TENT4B: variants seen among roughly 807,000 people sequenced by gnomAD.
The protein encoded by TENT4B is PAP associated domain containing 5.
In TENT4B, 10 loss-of-function variants were observed where a neutral mutation model predicts 75.0. The observed-to-expected ratio is 0.13, with a 90% CI of 0.08 to 0.23. TENT4B has a LOEUF of 0.23. Ranked by LOEUF, TENT4B falls within the 10% of genes least tolerant of loss-of-function variation. TENT4B has a pLI of 1.00. For synonymous variants in TENT4B, 350 were observed against 357.7 expected, an observed-to-expected ratio of 0.98 and a Z score of 0.24; for missense variants, 579 against 893.8, an observed-to-expected ratio of 0.65 and a Z score of 4.49.
chr16:50,179,194 C>T (rs926343155), intron 1 of TENT4B, among the ~76,000 whole-genome samples: 1 of 152,104 alleles, frequency 6.6e-6, no homozygotes, highest in African/African-American at 2.4e-5. Context: ...GAAACCCCGT[C>T]TCTACTAAAA....
intron 1 of TENT4B, among the ~76,000 whole-genome samples, chr16:50,155,272 G>GTGTGTGTGTGTGTGTGTGT (rs2037871396): frequency 4.4e-5 from 6 of 135,480 alleles, no homozygotes; most frequent in South Asian, 2.6e-4. Context: ...GGGTCTCGTG[G>GTGTGTGTGTGTGTGTGTGT]GTGTGTGTGT....
chr16:50,183,780 C>A lies in TENT4B; in HGVS notation c.639-27543C>A, dbSNP rs192581133. ...GCAGATTTGGCCAGGCGCGGTAGCT[C>A]ATGCCTGTAATCCCAGCACTTTGGG... On this transcript the variant is annotated intron_variant, in intron 1 of 11. Coordinates refer to ENST00000561678, the MANE Select transcript of TENT4B (RefSeq NM_001365324.3). 1.1e-4 allele frequency among the ~76,000 whole-genome samples: 17 copies of A among 152,266 alleles called. No individual in the cohort carries two copies. In the East Asian group the frequency reaches 3.3e-3, roughly 29 times the overall value.
At chr16:50,176,497 T>A in intron 1 of TENT4B, among the ~76,000 whole-genome samples, 2 of 33,562 alleles carry the variant, frequency 6.0e-5, no homozygotes, top group Non-Finnish European at 8.0e-5. Flanking sequence ...AATAATTCTT[T>A]TTTTTTTTTT....
chr16:50,221,756 T>A (rs2031837062), intron 5 of TENT4B, among the ~76,000 whole-genome samples: 1 of 152,120 alleles, frequency 6.6e-6, no homozygotes, highest in South Asian at 2.1e-4. Context: ...GTTTCTATCC[T>A]ATAGCAAGTA....
chr16:50,192,887 G>A (rs995579690), intron 1 of TENT4B, among the ~76,000 whole-genome samples: 4 of 152,268 alleles, frequency 2.6e-5, no homozygotes, highest in Middle Eastern at 3.4e-3. Context: ...CTTGAGATCA[G>A]CCTGAGCAAT....
intron 1 of TENT4B, among the ~76,000 whole-genome samples, chr16:50,180,229 G>A (rs1376217762): frequency 6.6e-6 from 1 of 151,804 alleles, no homozygotes; most frequent in East Asian, 1.9e-4. Context: ...TTAGCTTCCT[G>A]AGTAGCTGAG....
At chr16:50,222,680 C>A (rs1051121035) in intron 6 of TENT4B, among the ~76,000 whole-genome samples, 4 of 152,124 alleles carry the variant, frequency 2.6e-5, no homozygotes, top group Non-Finnish European at 4.4e-5. Flanking sequence ...CTTTTCACTG[C>A]AAATTTTAAC....
At chr16:50,172,335 A>T (rs1192450727) in intron 1 of TENT4B, among the ~76,000 whole-genome samples, 1 of 151,558 alleles carries the variant, frequency 6.6e-6, no homozygotes, top group Non-Finnish European at 1.5e-5. Context: ...ACAGAGCGAG[A>T]CTCTGTCTCC....
chr16:50,189,094 G>C (rs1596691902), intron 1 of TENT4B, among the ~76,000 whole-genome samples: 1 of 152,062 alleles, frequency 6.6e-6, no homozygotes, highest in Non-Finnish European at 1.5e-5. Context: ...TGTAACTTCA[G>C]CTTTTCTTAT....
rs192592221 is a variant in TENT4B, at chr16:50,214,060, C to G, written c.763-161C>G. Among the ~76,000 whole-genome samples, 24 of 152,234 alleles carry G rather than the reference C, an allele frequency of 1.6e-4. No homozygotes were observed. In the East Asian group the frequency reaches 4.1e-3, roughly 26 times the overall value. ...AGAATGTCTGCTTGTGAAACAGAAT[C>G]CCCGCTTCATGAAGCTTGGGGTTAG... On this transcript the variant is annotated intron_variant, in intron 2 of 11. Transcript: ENST00000561678.
At chr16:50,178,172 G>C (rs2038345639) in intron 1 of TENT4B, among the ~76,000 whole-genome samples, 2 of 131,610 alleles carry the variant, frequency 1.5e-5, no homozygotes, top group Non-Finnish European at 3.2e-5. Context: ...TTAAAGAAAA[G>C]CTGGCCAGGT....
At chr16:50,178,747 A>G (rs2038356290) in intron 1 of TENT4B, among the ~76,000 whole-genome samples, 1 of 152,224 alleles carries the variant, frequency 6.6e-6, no homozygotes, top group African/African-American at 2.4e-5. Flanking sequence ...GGTATCTGGA[A>G]TATAAGAGTC....
intron 1 of TENT4B, among the ~76,000 whole-genome samples, chr16:50,184,041 G>A (rs1386432868): frequency 1.3e-5 from 2 of 152,044 alleles, no homozygotes; most frequent in African/African-American, 2.4e-5. Context: ...TTCATTAGTC[G>A]TTCCTCCTCA....
chr16:50,208,738 CTT>C (rs922655265), intron 1 of TENT4B, among the ~76,000 whole-genome samples: 1 of 146,274 alleles, frequency 6.8e-6, no homozygotes. Flanking sequence ...AATGAATTGT[CTT>C]TTTTTTTTTT....
chr16:50,165,106 A>G (rs780979996), intron 1 of TENT4B, among the ~76,000 whole-genome samples: 3 of 151,448 alleles, frequency 2.0e-5, no homozygotes, highest in Non-Finnish European at 4.4e-5. Context: ...CATTTCAAAT[A>G]TATTTCTATA....
Position 50,217,568 on chromosome 16 carries a change from A to T in TENT4B, c.943A>T (p.Lys315Ter). ...CTTCTCTTTATAGGTACCTATTATTAAATTAACAGATTCTTTTACTGAAGT... is the reference window on the plus strand; with the variant it reads ...CTTCTCTTTATAGGTACCTATTATTTAATTAACAGATTCTTTTACTGAAGT... ...VLDKATVPII[K>*]LTDSFTEVKV... The change falls in exon 5 of 12, where the codon AAA becomes TAA. Residue 315 changes from lysine to a stop codon, truncating the protein, a stop_gained. Coordinates refer to ENST00000561678, the MANE Select transcript of TENT4B (RefSeq NM_001365324.3). LOFTEE classifies it high-confidence loss of function. 6.7e-7 allele frequency: 1 copy of T among 1,498,128 alleles called. No homozygotes were observed. The highest frequency in any genetic ancestry group is 8.9e-7 in the Non-Finnish European group (1 of 1,117,688). 92.8% of individuals were successfully genotyped at this position (1,498,128 alleles called of 1,614,324 possible). A position where few individuals can be genotyped will look rare whatever the true frequency, so the allele number is the denominator to read the frequency against.
intron 1 of TENT4B, among the ~76,000 whole-genome samples, chr16:50,162,594 G>A (rs2038022758): frequency 6.6e-6 from 1 of 151,964 alleles, no homozygotes; most frequent in Admixed American, 6.6e-5. Flanking sequence ...AAACATCTTG[G>A]CAGTATTGAA....
chr16:50,216,054 G>T (rs748716228), intron 3 of TENT4B, 21 bp from the exon 4 acceptor site: 2 of 1,613,548 alleles, frequency 1.2e-6, no homozygotes, highest in African/African-American at 2.7e-5. Flanking sequence ...CGACCCTCTT[G>T]TATATGTATT....
intron 6 of TENT4B, 32 bp from the exon 7 acceptor site, chr16:50,223,142 A>T: frequency 1.3e-6 from 2 of 1,501,868 alleles, no homozygotes; most frequent in Non-Finnish European, 1.8e-6. Context: ...TTTAGCAAAA[A>T]TCCAATATAA....
Sources: allele counts gnomAD v4.1 joint callset (sites outside exome capture counted in the v4.1 genomes callset), GRCh38; gene constraint gnomAD v4.1.1; transcripts MANE v1.5; gene names NCBI Gene and HGNC (gene_info 2026-07-23, HGNC 2026-07-21).